MRPS9: variants seen among roughly 807,000 people sequenced by gnomAD.
MRPS9 encodes mitochondrial ribosomal protein S9.
MRPS9 carries 45 observed loss-of-function variants against 59.9 expected under a neutral mutation model. That is an observed-to-expected ratio of 0.75 (90% CI 0.59 to 0.96). The LOEUF (loss-of-function observed/expected upper bound fraction) is 0.96. Ranked by LOEUF, MRPS9 falls within the 40% of genes least tolerant of loss-of-function variation. The pLI, the probability that MRPS9 is intolerant of heterozygous loss-of-function variation, is 0.00. For synonymous variants in MRPS9, 171 were observed against 166.8 expected (o/e 1.03, Z -0.19); for missense variants, 473 against 481.1 (o/e 0.98, Z 0.16).
intron 4 of MRPS9, among the ~76,000 whole-genome samples, chr2:105,076,237 A>G (rs535675655): frequency 6.6e-6 from 1 of 152,246 alleles, no homozygotes; most frequent in Non-Finnish European, 1.5e-5. Context: ...ATGCCACAGT[A>G]TAGTTACTGG....
rs150641249 is a variant in MRPS9, at chr2:105,085,224, G to A, written c.490-3760G>A. On this transcript the variant is annotated intron_variant, in intron 5 of 10. Coordinates refer to ENST00000258455, the MANE Select transcript of MRPS9 (RefSeq NM_182640.3). ...TCACTTGGAACTTGAGATACATAGCGTAAACCTCTTAGTTAATGATAAGTG... is the reference window on the plus strand; with the variant it reads ...TCACTTGGAACTTGAGATACATAGCATAAACCTCTTAGTTAATGATAAGTG... Among the ~76,000 whole-genome samples the A allele has an allele frequency of 1.9e-3, 296 of 152,214 alleles. 3 individuals carry two copies. The highest frequency in any genetic ancestry group is 0.01 in the Middle Eastern group (3 of 294).
At chr2:105,047,748 C>T (rs947325952) in intron 1 of MRPS9, among the ~76,000 whole-genome samples, 3 of 152,000 alleles carry the variant, frequency 2.0e-5, no homozygotes, top group African/African-American at 4.8e-5. Flanking sequence ...ACATTTTTCT[C>T]GTTTTTTAGC....
chr2:105,038,365 T>G (rs1573410350), intron 1 of MRPS9, 138 bp downstream of exon 1: 1 of 1,191,174 alleles, frequency 8.4e-7, no homozygotes, highest in Non-Finnish European at 1.2e-6. Context: ...AGGTCTGAGG[T>G]TGGGGGGGAG....
intron 1 of MRPS9, among the ~76,000 whole-genome samples, chr2:105,044,593 A>G (rs1279431615): frequency 6.6e-6 from 1 of 152,224 alleles, no homozygotes; most frequent in Non-Finnish European, 1.5e-5. Flanking sequence ...CCCTTTCTAA[A>G]TGGACAACAA....
chr2:105,046,412 C>G (rs1679596304), intron 1 of MRPS9, among the ~76,000 whole-genome samples: 3 of 151,932 alleles, frequency 2.0e-5, no homozygotes, highest in African/African-American at 7.2e-5. Flanking sequence ...TGTCCTAACG[C>G]TAATGCTTGC....
At chr2:105,090,281 G>A (rs1162485951) in intron 7 of MRPS9, among the ~76,000 whole-genome samples, 1 of 152,176 alleles carries the variant, frequency 6.6e-6, no homozygotes, top group East Asian at 1.9e-4. Flanking sequence ...TTTTAGGGAA[G>A]CACGGCAGAT....
At chr2:105,080,746 A>C (rs1408850497) in intron 5 of MRPS9, among the ~76,000 whole-genome samples, 1 of 152,180 alleles carries the variant, frequency 6.6e-6, no homozygotes, top group Non-Finnish European at 1.5e-5. Context: ...GATTTTTTAA[A>C]GTTTCAAAAA....
rs1312736641 is a variant in MRPS9, at chr2:105,080,005, C to T, written c.432C>T (p.Gly144=). 6 of 1,611,168 alleles carry T rather than the reference C, an allele frequency of 3.7e-6. No homozygotes were observed. Among genetic ancestry groups the T allele is most frequent in the Non-Finnish European group, 5.1e-6 (6 of 1,178,652 alleles). Residue 144 remains glycine (G), a synonymous_variant, in exon 5 of 11, where the codon GGC becomes GGT. Coordinates refer to ENST00000258455, the MANE Select transcript of MRPS9 (RefSeq NM_182640.3). ...RQRAIQWGED[G]RPFHYLFYTG... ...CAGCAATCCAGTGGGGAGAAGATGG[C>T]CGTCCATTTCACTATCTCTTCTATA...
intron 2 of MRPS9, among the ~76,000 whole-genome samples, chr2:105,066,081 C>T (rs1420811311): frequency 6.6e-6 from 1 of 152,134 alleles, no homozygotes; most frequent in Non-Finnish European, 1.5e-5. Flanking sequence ...AGGAATGTGC[C>T]TTTTCTGTTT....
rs182193751 is a variant in MRPS9, at chr2:105,078,939, G to C, written c.410-1044G>C. On this transcript the variant is annotated intron_variant, in intron 4 of 10. Coordinates refer to ENST00000258455, the MANE Select transcript of MRPS9 (RefSeq NM_182640.3). Reference sequence around the variant, plus strand: ...AGTGGGGGCAAAGACTGGTTCACGGGGGTGGGGAAACCTAACTGTTACAAT... The same window carrying C: ...AGTGGGGGCAAAGACTGGTTCACGGCGGTGGGGAAACCTAACTGTTACAAT... Among the ~76,000 whole-genome samples, 5 of 152,214 alleles carry C rather than the reference G, an allele frequency of 3.3e-5. 1 individual carries two copies. The East Asian group carries it at 9.7e-4, about 29-fold the overall frequency.
At chr2:105,039,898 C>G (rs1573411792) in intron 1 of MRPS9, among the ~76,000 whole-genome samples, 2 of 152,120 alleles carry the variant, frequency 1.3e-5, no homozygotes, top group East Asian at 3.8e-4. Flanking sequence ...CCTCTTTCCC[C>G]CATATGGCAA....
In MRPS9 at chr2:105,046,975, G is replaced by A. The variant is rs1679605822; in HGVS notation, c.136-2196G>A. ...ACATTCTCCATTGCCCAAAGAAGAC[G>A]TAGACTCATAAAGAACAAATTTTAA... On this transcript the variant is annotated intron_variant, in intron 1 of 10. Transcript: ENST00000258455. Among the ~76,000 whole-genome samples the A allele has an allele frequency of 2.6e-5, 4 of 151,864 alleles. No individual in the cohort carries two copies. The South Asian group carries it at 6.2e-4, about 24-fold the overall frequency.
At chr2:105,054,444 A>G (rs554477690) in intron 2 of MRPS9, among the ~76,000 whole-genome samples, 4 of 152,222 alleles carry the variant, frequency 2.6e-5, no homozygotes, top group Admixed American at 6.5e-5. Context: ...CTAGCTTGGT[A>G]TCTAAAAAGC....
chr2:105,079,895 A>G, intron 4 of MRPS9, 88 bp from the exon 5 acceptor site: 1 of 751,310 alleles, frequency 1.3e-6, no homozygotes, highest in African/African-American at 1.8e-5. Flanking sequence ...TCAATTATAA[A>G]TGTGTCTCAT....
At chr2:105,065,693 T>C (rs1010955957) in intron 2 of MRPS9, among the ~76,000 whole-genome samples, 2 of 152,216 alleles carry the variant, frequency 1.3e-5, no homozygotes, top group Admixed American at 6.5e-5. Flanking sequence ...AACTCTGCAA[T>C]GTTTAGTGGA....
At position 105,052,159 on chromosome 2, in the gene MRPS9, G is replaced by A. The variant is rs558527624; in HGVS notation, c.315+2809G>A. On this transcript the variant is annotated intron_variant, in intron 2 of 10. Transcript: ENST00000258455. ...CTTGGCTAGAATGTCTAACAATGTT[G>A]AGTAGAAATGGCAAGAGTGGATGTC... Among the ~76,000 whole-genome samples the A allele has an allele frequency of 4.6e-5, 7 of 152,116 alleles. No homozygotes were observed. In the South Asian group the frequency reaches 1.5e-3, roughly 32 times the overall value.
intron 5 of MRPS9, among the ~76,000 whole-genome samples, chr2:105,085,452 T>C (rs1332957921): frequency 1.3e-5 from 2 of 152,220 alleles, no homozygotes; most frequent in African/African-American, 4.8e-5. Context: ...ATAGACTTTT[T>C]CTATATCACC....
intron 2 of MRPS9, among the ~76,000 whole-genome samples, chr2:105,066,949 T>G (rs1680012542): frequency 6.6e-6 from 1 of 152,202 alleles, no homozygotes; most frequent in Non-Finnish European, 1.5e-5. Context: ...TCCAGAAAAG[T>G]TGAATATTCA....
At chr2:105,079,602 A>C (rs1370922956) in intron 4 of MRPS9, among the ~76,000 whole-genome samples, 2 of 151,970 alleles carry the variant, frequency 1.3e-5, no homozygotes, top group Admixed American at 1.3e-4. Flanking sequence ...GCATTTTTTT[A>C]CTTTATCAGT....
Sources: gnomAD v4.1 joint callset for allele counts (sites outside exome capture counted in the v4.1 genomes callset) on GRCh38, gnomAD v4.1.1 for gene constraint, MANE v1.5 for transcripts, NCBI Gene and HGNC (gene_info 2026-07-23, HGNC 2026-07-21) for gene names.